BCAR3: variants seen among roughly 807,000 people sequenced by gnomAD.
BCAR3 encodes BCAR3 adaptor protein, NSP family member, also known as breast cancer anti-estrogen resistance protein 3.
A neutral mutation model predicts 80.1 loss-of-function variants in BCAR3; 37 were observed. That is an observed-to-expected ratio of 0.46 (90% CI 0.36 to 0.61). BCAR3 has a LOEUF of 0.61. Ranked by LOEUF, BCAR3 falls within the 20% of genes least tolerant of loss-of-function variation. BCAR3 has a pLI of 0.00. For missense variants in BCAR3, 978 were observed against 1,068.2 expected, an observed-to-expected ratio of 0.92 and a Z score of 1.18; for synonymous variants, 389 against 418.9, an observed-to-expected ratio of 0.93 and a Z score of 0.87.
chr1:93,626,772 A>G (rs556289083), intron 3 of BCAR3, among the ~76,000 whole-genome samples: 1 of 152,346 alleles, frequency 6.6e-6, no homozygotes, highest in South Asian at 2.1e-4. Flanking sequence ...TCTCTTTAGT[A>G]TTCTATACAA....
At chr1:93,615,586 CAGAA>C (rs1675093008) in intron 3 of BCAR3, among the ~76,000 whole-genome samples, 1 of 152,174 alleles carries the variant, frequency 6.6e-6, no homozygotes, top group Middle Eastern at 3.2e-3. Flanking sequence ...TGGCAGAACT[CAGAA>C]GGGTTTTCTG....
At chr1:93,798,050 C>A (rs954206602) in intron 2 of BCAR3, among the ~76,000 whole-genome samples, 4 of 152,142 alleles carry the variant, frequency 2.6e-5, no homozygotes, top group African/African-American at 9.7e-5. Flanking sequence ...TTAGCACAAA[C>A]CTTATGAACT....
At chr1:93,687,376 C>T (rs1649011922) in intron 3 of BCAR3, among the ~76,000 whole-genome samples, 1 of 152,172 alleles carries the variant, frequency 6.6e-6, no homozygotes, top group African/African-American at 2.4e-5. Flanking sequence ...AGCATGATCT[C>T]AGCTAACTGC....
rs572993811 is a variant in BCAR3 at position 93,822,481 on chromosome 1, A to G, written c.-63+23086T>C. 2.0e-5 allele frequency among the ~76,000 whole-genome samples: 3 copies of G among 152,174 alleles called. No homozygotes were observed. In the South Asian group the frequency reaches 6.2e-4, roughly 32 times the overall value. Reference sequence around the variant, plus strand: ...CAGCCTCCAAAGCAGCTGGGATTACAGGGGTCTGCCACCATGCCTGGCTAA... The same window carrying G: ...CAGCCTCCAAAGCAGCTGGGATTACGGGGGTCTGCCACCATGCCTGGCTAA... On this transcript the variant is annotated intron_variant, in intron 2 of 13. Transcript: ENST00000370244.
intron 2 of BCAR3, among the ~76,000 whole-genome samples, chr1:93,798,870 T>C (rs1378487975): frequency 6.6e-6 from 1 of 152,186 alleles, no homozygotes; most frequent in Non-Finnish European, 1.5e-5. Context: ...GCATACAGAC[T>C]GTATGCTGTT....
chr1:93,706,983 T>C, intron 2 of BCAR3, among the ~76,000 whole-genome samples: 1 of 152,114 alleles, frequency 6.6e-6, no homozygotes, highest in East Asian at 1.9e-4. Context: ...GAGACCAGCC[T>C]GGCCAACATG....
chr1:93,672,540 T>A (rs1001534201), intron 2 of BCAR3, among the ~76,000 whole-genome samples: 2 of 152,238 alleles, frequency 1.3e-5, no homozygotes, highest in South Asian at 4.1e-4. Flanking sequence ...TCTGTGCTCA[T>A]CTTTAGCAGG....
intron 2 of BCAR3, among the ~76,000 whole-genome samples, chr1:93,668,415 T>G (rs1484942228): frequency 6.6e-6 from 1 of 152,192 alleles, no homozygotes. Context: ...ATGCAGGGGC[T>G]GAGCTCACCT....
At chr1:93,785,950 T>A in intron 2 of BCAR3, among the ~76,000 whole-genome samples, 1 of 115,328 alleles carries the variant, frequency 8.7e-6, no homozygotes, top group Non-Finnish European at 1.7e-5. Flanking sequence ...TCCCAGCACT[T>A]TGGGAGGCCG....
intron 3 of BCAR3, among the ~76,000 whole-genome samples, chr1:93,612,403 T>C (rs1420324616): frequency 6.6e-6 from 1 of 152,072 alleles, no homozygotes; most frequent in Non-Finnish European, 1.5e-5. Context: ...GACTACCCCA[T>C]ATATTAAGTG....
At chr1:93,817,433 T>C (rs1448627426) in intron 2 of BCAR3, among the ~76,000 whole-genome samples, 1 of 152,244 alleles carries the variant, frequency 6.6e-6, no homozygotes, top group Non-Finnish European at 1.5e-5. Context: ...ATTATCTCAC[T>C]GTATTAACCT....
At chr1:93,597,253 G>C (rs966905153) in intron 3 of BCAR3, among the ~76,000 whole-genome samples, 8 of 152,228 alleles carry the variant, frequency 5.3e-5, no homozygotes, top group African/African-American at 1.9e-4. Flanking sequence ...ATTGGGGTCT[G>C]AGATGAGATG....
chr1:93,594,793 A>C (rs1674355970), intron 3 of BCAR3: 1 of 152,154 alleles, frequency 6.6e-6, no homozygotes, highest in African/African-American at 2.4e-5. Context: ...TTCTTTGTTG[A>C]AAATTTATTT....
In BCAR3 at chr1:93,770,367, T is replaced by C. The variant is rs576064412; in HGVS notation, c.-62-64225A>G. ...GAAGAGAGTGCCTCTGCTCTGATCCTGGCCTCAGAAAAACTTGAATGATTG... is the reference window on the plus strand; with the variant it reads ...GAAGAGAGTGCCTCTGCTCTGATCCCGGCCTCAGAAAAACTTGAATGATTG... On this transcript the variant is annotated intron_variant, in intron 2 of 13. Coordinates refer to the BCAR3 transcript ENST00000370244. 2.0e-5 allele frequency among the ~76,000 whole-genome samples: 3 copies of C among 152,226 alleles called. No individual in the cohort carries two copies. The South Asian group carries it at 6.2e-4, about 32-fold the overall frequency.
intron 3 of BCAR3, among the ~76,000 whole-genome samples, chr1:93,703,347 A>G (rs1279220949): frequency 6.6e-6 from 1 of 152,210 alleles, no homozygotes; most frequent in East Asian, 1.9e-4. Context: ...AGGCTGAAGC[A>G]GAAGGATGCT....
At chr1:93,739,587 G>A (rs1226349694) in intron 2 of BCAR3, among the ~76,000 whole-genome samples, 2 of 152,154 alleles carry the variant, frequency 1.3e-5, no homozygotes, top group Non-Finnish European at 2.9e-5. Context: ...TCCCACAGCT[G>A]GTTTAATGCT....
rs376153130 is a variant in BCAR3 at position 93,567,269 on chromosome 1, C to T, written c.2299+10G>A. The T allele has an allele frequency of 1.3e-4, 205 of 1,613,176 alleles. No homozygotes were observed. Among genetic ancestry groups the T allele is most frequent in the Non-Finnish European group, 1.7e-4 (202 of 1,179,790 alleles). On this transcript the variant is annotated intron_variant, in intron 11 of 11. Coordinates refer to ENST00000260502, the MANE Select transcript of BCAR3 (RefSeq NM_003567.4). ...GTGTTAGAGAACAGCTTACAAAACCCATCTCTTACCTGCCAGGATCCTCTC... is the reference window on the plus strand; with the variant it reads ...GTGTTAGAGAACAGCTTACAAAACCTATCTCTTACCTGCCAGGATCCTCTC...
Position 93,582,598 on chromosome 1 carries a change from A to G in BCAR3, c.1389T>C (p.Asn463=). 3.1e-6 allele frequency: 5 copies of G among 1,613,686 alleles called. No individual in the cohort carries two copies. The highest frequency in any genetic ancestry group is 4.2e-6 in the Non-Finnish European group (5 of 1,179,882). ...CAGAGTTCCGGGGACCTGGCGCCTC[A>G]TTCTGCTTGGCTGTGAGCAGTTCTG... The part of the protein sequence containing the change: ...SHTELLTAKQ[N]EAPGPRNSGV... Residue 463 remains asparagine, a synonymous_variant, in exon 7 of 12, where the codon AAT becomes AAC. Coordinates refer to ENST00000260502, the MANE Select transcript of BCAR3 (RefSeq NM_003567.4).
chr1:93,808,939 C>T (rs1192424906), intron 2 of BCAR3, among the ~76,000 whole-genome samples: 1 of 152,100 alleles, frequency 6.6e-6, no homozygotes, highest in Non-Finnish European at 1.5e-5. Context: ...TTCTGGTCTT[C>T]AACTTGTAGA....
Sources: allele counts gnomAD v4.1 joint callset (sites outside exome capture counted in the v4.1 genomes callset), GRCh38; gene constraint gnomAD v4.1.1; transcripts MANE v1.5; gene names NCBI Gene and HGNC (gene_info 2026-07-23, HGNC 2026-07-21).